The following FBXO31 variants were observed in gnomAD, a reference collection of about 807,000 sequenced individuals.
FBXO31 encodes F-box only protein 31.
A neutral mutation model predicts 54.4 loss-of-function variants in FBXO31; 24 were observed. The ratio of observed to expected loss-of-function variants is 0.44; its 90% CI spans 0.32 to 0.62. FBXO31 has a LOEUF of 0.62. Ranked by LOEUF, FBXO31 falls within the 20% of genes least tolerant of loss-of-function variation. The probability of loss-of-function intolerance (pLI) is 0.05; values close to 1 mark genes in which losing one functional copy is unlikely to be tolerated. For synonymous variants in FBXO31, 388 were observed against 335.6 expected, an observed-to-expected ratio of 1.16 and a Z score of -1.71; for missense variants, 665 against 787.1, an observed-to-expected ratio of 0.84 and a Z score of 1.86.
intron 2 of FBXO31, among the ~76,000 whole-genome samples, chr16:87,348,856 C>A (rs1008090083): frequency 6.6e-6 from 1 of 152,214 alleles, no homozygotes; most frequent in African/African-American, 2.4e-5. Context: ...CCCGCAAACC[C>A]TGGATCCCGC....
intron 2 of FBXO31, among the ~76,000 whole-genome samples, chr16:87,350,181 T>G (rs929010909): frequency 2.6e-5 from 4 of 151,878 alleles, no homozygotes; most frequent in Non-Finnish European, 5.9e-5. Flanking sequence ...GCAAGACCAC[T>G]CCAGACCACA....
rs764449509 is a variant in FBXO31, at chr16:87,338,904, G to A, written c.733-2640C>T. On this transcript the variant is annotated intron_variant, in intron 5 of 8. Coordinates refer to ENST00000311635, the MANE Select transcript of FBXO31 (RefSeq NM_024735.5). This position sits in a 1 kb window ranked among gnomAD's most constrained non-coding sequence, Gnocchi z 4.3. ...CCCCAGGAGGTAACTGAATCATGGG[G>A]GTGGGGTCTTTTCCATGCTGCTCTC... 1.3e-5 allele frequency among the ~76,000 whole-genome samples: 2 copies of A among 152,190 alleles called. No individual in the cohort carries two copies. Among genetic ancestry groups the A allele is most frequent in the African/African-American group, 4.8e-5 (2 of 41,452 alleles).
intron 1 of FBXO31, among the ~76,000 whole-genome samples, chr16:87,363,070 C>A (rs1906204695): frequency 6.6e-6 from 1 of 152,140 alleles, no homozygotes. Flanking sequence ...AGAGAAAAAA[C>A]CAACACCAGG....
At chr16:87,351,459 G>T (rs1311672654) in intron 2 of FBXO31, among the ~76,000 whole-genome samples, 1 of 152,160 alleles carries the variant, frequency 6.6e-6, no homozygotes, top group Non-Finnish European at 1.5e-5. Context: ...TGCCCCACAA[G>T]GCTCCTGAGT....
intron 1 of FBXO31, among the ~76,000 whole-genome samples, chr16:87,380,296 CAA>C (rs71156230): frequency 2.6e-4 from 25 of 97,784 alleles, no homozygotes; most frequent in African/African-American, 6.3e-4. Context: ...GACTCCGTCT[CAA>C]AAAAAAAAAA....
Position 87,358,767 on chromosome 16 carries a change from G to A in FBXO31, c.412+1528C>T, listed in dbSNP as rs1003314724. On this transcript the variant is annotated intron_variant, in intron 2 of 8. Transcript: ENST00000311635. The surrounding 1 kb of genome is among the most constrained non-coding windows in gnomAD (Gnocchi z 4.0). ...TTCCATATTTGATCACACTCCTCCC[G>A]GGGCCAGCACACTCCCGGCAGGCCC... 1.2e-4 allele frequency among the ~76,000 whole-genome samples: 18 copies of A among 152,228 alleles called. No individual in the cohort carries two copies. Among genetic ancestry groups the A allele is most frequent in the African/African-American group, 3.9e-4 (16 of 41,534 alleles).
chr16:87,332,227 C>T (rs1409975198), intron 8 of FBXO31, among the ~76,000 whole-genome samples: 1 of 152,232 alleles, frequency 6.6e-6, no homozygotes, highest in Non-Finnish European at 1.5e-5. Context: ...GCAGGTGCAG[C>T]CATCGGCACT....
chr16:87,376,845 C>A (rs1906844892), intron 1 of FBXO31, among the ~76,000 whole-genome samples: 1 of 152,226 alleles, frequency 6.6e-6, no homozygotes, highest in Non-Finnish European at 1.5e-5. Flanking sequence ...TTGGCCTTAT[C>A]AGTATCCACC....
chr16:87,344,558 C>T lies in FBXO31; in HGVS notation c.490-793G>A, dbSNP rs181684173. 2.8e-4 allele frequency among the ~76,000 whole-genome samples: 42 copies of T among 152,292 alleles called. No homozygotes were observed. In the East Asian group the frequency reaches 3.7e-3, roughly 13 times the overall value. On this transcript the variant is annotated intron_variant, in intron 3 of 8. Coordinates refer to ENST00000311635, the MANE Select transcript of FBXO31 (RefSeq NM_024735.5). ...AGAATTCCATCATTTCTGTGGCTCACGAGCCTGGGTCAAGCGTGAGCTGGT... is the reference window on the plus strand; with the variant it reads ...AGAATTCCATCATTTCTGTGGCTCATGAGCCTGGGTCAAGCGTGAGCTGGT...
intron 1 of FBXO31, among the ~76,000 whole-genome samples, chr16:87,362,359 G>T (rs998303263): frequency 6.6e-6 from 1 of 151,784 alleles, no homozygotes; most frequent in African/African-American, 2.4e-5. Flanking sequence ...GTAATGTAGT[G>T]GCTACAGGTA....
chr16:87,383,662 G>A lies in FBXO31; in HGVS notation c.83C>T (p.Thr28Met), dbSNP rs1907190714. The A allele has an allele frequency of 6.8e-6, 9 of 1,323,266 alleles. No individual in the cohort carries two copies. Among genetic ancestry groups the A allele is most frequent in the African/African-American group, 1.5e-5 (1 of 64,560 alleles). The allele number at this position is 1,323,266 out of a possible 1,614,324, so 82.0% of individuals were successfully genotyped here. ...GTCCGGCTCGCTGTCGGCCGCCGCC[G>A]TCTCGGCCGGGCCCCGGCGCTGCTG... ...RRQQRRGPAETAAADSEPDTD... is the reference protein window; with the variant it reads ...RRQQRRGPAEMAAADSEPDTD... Residue 28 changes from threonine to methionine, a missense_variant, in exon 1 of 9, where the codon ACG becomes ATG. Physicochemically the swap from Thr to Met is moderately conservative, Grantham distance 81. Coordinates refer to ENST00000311635, the MANE Select transcript of FBXO31 (RefSeq NM_024735.5). This position sits in a 1 kb window ranked among gnomAD's most constrained non-coding sequence, Gnocchi z 4.9.
chr16:87,364,050 T>A (rs1304592674), intron 1 of FBXO31, among the ~76,000 whole-genome samples: 1 of 152,182 alleles, frequency 6.6e-6, no homozygotes, highest in Non-Finnish European at 1.5e-5. Flanking sequence ...GGCCGCAGGC[T>A]GGCAGCCGCC....
rs1419146884 is a variant in FBXO31, at chr16:87,329,431, G to A, written c.*1857C>T. ...CGCCTCTAGGACTGCGTCCCTTAGA[G>A]CGAGGCTCGGGCTCTTGGTAAAAAA... is the stretch of plus-strand genomic sequence containing the variant. On this transcript the variant is annotated 3_prime_UTR_variant, in exon 9 of 9. Coordinates refer to ENST00000311635, the MANE Select transcript of FBXO31 (RefSeq NM_024735.5). The A allele has an allele frequency of 6.6e-6, 1 of 152,310 alleles. No individual in the cohort carries two copies. The highest frequency in any genetic ancestry group is 2.4e-5 in the African/African-American group (1 of 41,478). The allele number at this position is 152,310 out of a possible 1,614,324, so 9.4% of individuals were successfully genotyped here.
intron 1 of FBXO31, among the ~76,000 whole-genome samples, chr16:87,368,888 C>T (rs574441200): frequency 4.1e-4 from 62 of 152,260 alleles, no homozygotes; most frequent in African/African-American, 1.5e-3. Context: ...CAACCTCCAC[C>T]TCCCAAGTTC....
chr16:87,332,416 G>A (rs1390151240), intron 8 of FBXO31, among the ~76,000 whole-genome samples: 5 of 152,238 alleles, frequency 3.3e-5, no homozygotes, highest in Admixed American at 2.0e-4. Context: ...GCTGCAGCAC[G>A]TGCTGTGACT....
intron 2 of FBXO31, among the ~76,000 whole-genome samples, chr16:87,350,182 C>G (rs1233386338): frequency 6.6e-6 from 1 of 152,058 alleles, no homozygotes; most frequent in Non-Finnish European, 1.5e-5. Context: ...CAAGACCACT[C>G]CAGACCACAG....
chr16:87,352,575 C>G (rs1446565248), intron 2 of FBXO31, among the ~76,000 whole-genome samples: 4 of 152,150 alleles, frequency 2.6e-5, no homozygotes, highest in Non-Finnish European at 4.4e-5. Flanking sequence ...GCCCGGAGGT[C>G]CAGACACGAC....
At chr16:87,367,913 T>C (rs1906437512) in intron 1 of FBXO31, 2 of 152,260 alleles carry the variant, frequency 1.3e-5, no homozygotes, top group African/African-American at 2.4e-5. Context: ...CTTAGTTTCA[T>C]GAATTTTCAC....
At chr16:87,391,520 G>A (rs879847358), upstream of FBXO31, 6 of 152,484 alleles carry the variant, frequency 3.9e-5, no homozygotes, top group Non-Finnish European at 8.8e-5. Context: ...GGAGGCTGAG[G>A]GGTAGACAGG....
Sources: allele counts gnomAD v4.1 joint callset (sites outside exome capture counted in the v4.1 genomes callset), GRCh38; gene constraint gnomAD v4.1.1; non-coding constraint Gnocchi (gnomAD v3.1); transcripts MANE v1.5; gene names NCBI Gene and HGNC (gene_info 2026-07-23, HGNC 2026-07-21).